SH3BGRL: variants seen among roughly 807,000 people sequenced by gnomAD.
The protein encoded by SH3BGRL is SH3 domain binding glutamate rich protein like.
Under a neutral mutation model 9.8 loss-of-function variants are expected in SH3BGRL, and 7 were observed. The ratio of observed to expected loss-of-function variants is 0.72; its 90% CI spans 0.41 to 1.35. The LOEUF (loss-of-function observed/expected upper bound fraction) is 1.35, where lower values mean the gene tolerates loss of function less well. Among genes scored for constraint, SH3BGRL ranks in the 40% most tolerant of loss-of-function variants. The pLI is 0.01. For missense variants in SH3BGRL, 73 were observed against 84.4 expected (o/e 0.86, Z 0.53); for synonymous variants, 36 against 29.1 (o/e 1.24, Z -0.76).
intron 1 of SH3BGRL, among the ~76,000 whole-genome samples, chrX:81,235,718 C>T (rs766263214): frequency 1.6e-3 from 178 of 111,232 alleles, no homozygotes; most frequent in African/African-American, 5.7e-3. Flanking sequence ...ATTAACTGTA[C>T]CCATGGCTCT....
intron 1 of SH3BGRL, among the ~76,000 whole-genome samples, chrX:81,218,642 T>C (rs1306535852): frequency 9.5e-6 from 1 of 105,802 alleles, no homozygotes; most frequent in Non-Finnish European, 1.9e-5. Flanking sequence ...TTTATACATC[T>C]ATATCTATAT....
intron 3 of SH3BGRL, among the ~76,000 whole-genome samples, chrX:81,280,825 C>A (rs768269532): frequency 9.0e-6 from 1 of 111,094 alleles, no homozygotes; most frequent in Non-Finnish European, 1.9e-5. Flanking sequence ...GAAGAAATCC[C>A]TGATTTACCT....
chrX:81,218,682 T>C (rs180785520), intron 1 of SH3BGRL, among the ~76,000 whole-genome samples: 50 of 104,790 alleles, frequency 4.8e-4, no homozygotes, highest in Admixed American at 1.8e-3. Context: ...TATATATATA[T>C]ACAGATATAT....
chrX:81,206,954 A>G (rs990532133), intron 1 of SH3BGRL, among the ~76,000 whole-genome samples: 4 of 112,411 alleles, frequency 3.6e-5, no homozygotes, highest in African/African-American at 1.3e-4. Context: ...ACATGTCTTA[A>G]CTCACTGTGA....
At chrX:81,216,466 T>C (rs2075581685) in intron 1 of SH3BGRL, among the ~76,000 whole-genome samples, 1 of 111,006 alleles carries the variant, frequency 9.0e-6, no homozygotes, top group South Asian at 3.8e-4. Flanking sequence ...TCTTTCAGTT[T>C]TTAAAATGTA....
chrX:81,239,114 A>T (rs1220859505), intron 1 of SH3BGRL, among the ~76,000 whole-genome samples: 1 of 112,225 alleles, frequency 8.9e-6, no homozygotes, highest in Non-Finnish European at 1.9e-5. Context: ...TTTAATGCCC[A>T]GATGACAAAG....
chrX:81,287,981 GAGAA>G lies in SH3BGRL; in HGVS notation c.313-9204_313-9201del, dbSNP rs1365563419. Among the ~76,000 whole-genome samples, 5 of 106,942 alleles carry G rather than the reference GAGAA, an allele frequency of 4.7e-5. No individual in the cohort carries two copies. The East Asian group carries it at 1.2e-3, about 25-fold the overall frequency. 92.9% of individuals were successfully genotyped at this position (106,942 alleles called of 115,157 possible). A position where few individuals can be genotyped will look rare whatever the true frequency, so the allele number is the denominator to read the frequency against. On this transcript the variant is annotated intron_variant, in intron 3 of 3. Transcript: ENST00000373212. Reference sequence around the variant, plus strand: ...GGAAAGAAAGAAAGAAAGAAAGAAAGAGAAAGAAAGAAACTACAGGACAATATCT... The same window carrying G: ...GGAAAGAAAGAAAGAAAGAAAGAAAGAGAAAGAAACTACAGGACAATATCT...
chrX:81,272,231 A>G (rs1218929352), intron 1 of SH3BGRL, among the ~76,000 whole-genome samples: 2 of 107,351 alleles, frequency 1.9e-5, no homozygotes, highest in Non-Finnish European at 3.8e-5. Context: ...ATAGTTTAGT[A>G]GGTCGTGGCA....
intron 1 of SH3BGRL, among the ~76,000 whole-genome samples, chrX:81,214,808 C>A (rs2075576435): frequency 8.9e-6 from 1 of 111,953 alleles, no homozygotes; most frequent in Non-Finnish European, 1.9e-5. Flanking sequence ...ATTTTTATTA[C>A]CACCATTTAT....
intron 1 of SH3BGRL, among the ~76,000 whole-genome samples, chrX:81,239,289 A>G (rs1426225007): frequency 8.9e-6 from 1 of 112,344 alleles, no homozygotes; most frequent in Non-Finnish European, 1.9e-5. Flanking sequence ...TAACACAGAG[A>G]AGGAATTCAG....
intron 1 of SH3BGRL, among the ~76,000 whole-genome samples, chrX:81,271,511 A>T (rs1382404445): frequency 2.7e-5 from 3 of 112,131 alleles, no homozygotes; most frequent in African/African-American, 9.7e-5. Flanking sequence ...AATGATAAGA[A>T]AATTCTTATT....
intron 1 of SH3BGRL, among the ~76,000 whole-genome samples, chrX:81,230,367 T>A (rs1422751211): frequency 2.7e-5 from 3 of 111,988 alleles, no homozygotes; most frequent in Non-Finnish European, 5.6e-5. Context: ...TGACTTCTGA[T>A]AAGTGCCAGG....
At chrX:81,278,282 C>T (rs373699809) in intron 2 of SH3BGRL, 49 bp from the exon 3 acceptor site, 3 of 944,846 alleles carry the variant, frequency 3.2e-6, no homozygotes, top group Admixed American at 5.3e-5. Context: ...TCCTTTTTTT[C>T]TTTTATTGGT....
chrX:81,211,476 A>T (rs748840038), intron 1 of SH3BGRL, among the ~76,000 whole-genome samples: 43 of 110,462 alleles, frequency 3.9e-4, no homozygotes, highest in African/African-American at 1.4e-3. Context: ...AGTCCCAGCT[A>T]CTCGGGAGGC....
At chrX:81,247,849 C>T (rs142238730) in intron 1 of SH3BGRL, among the ~76,000 whole-genome samples, 45 of 110,182 alleles carry the variant, frequency 4.1e-4, no homozygotes, top group African/African-American at 1.3e-3. Flanking sequence ...TGTCCTTCCT[C>T]CTTGTTTTGG....
At position 81,202,220 on chromosome X, in the gene SH3BGRL, T is replaced by C. The variant is rs1357562118; in HGVS notation, c.20T>C (p.Ile7Thr). The C allele has an allele frequency of 2.5e-6, 3 of 1,206,959 alleles. No individual in the cohort carries two copies. The highest frequency in any genetic ancestry group is 3.4e-6 in the Non-Finnish European group (3 of 893,781). The change falls in exon 1 of 4, where the codon ATT (isoleucine) becomes ACT (threonine). Residue 7 changes from isoleucine to threonine, a missense_variant. By Grantham distance (89) the Ile-to-Thr change is moderately conservative. Transcript: ENST00000373212. ...CCCAGGATGGTGATCCGTGTATATA[T>C]TGCATCTTCCTCTGGCTCTACAGCG... The part of the protein sequence containing the change: MVIRVY[I>T]ASSSGSTAIK...
At position 81,248,390 on chromosome X, in the gene SH3BGRL, A is replaced by T. The variant is rs753816536; in HGVS notation, c.46-28594A>T. On this transcript the variant is annotated intron_variant, in intron 1 of 3. Transcript: ENST00000373212. ...CCCTGCTGTGCCACGATTTCAGCGG[A>T]CCAGGCTGGGGCACCCAGCAATGGC... Among the ~76,000 whole-genome samples the T allele has an allele frequency of 1.5e-3, 168 of 112,196 alleles. No individual in the cohort carries two copies. In the Middle Eastern group the frequency reaches 0.019, roughly 12 times the overall value.
intron 1 of SH3BGRL, among the ~76,000 whole-genome samples, chrX:81,215,102 A>G (rs2075577494): frequency 9.0e-6 from 1 of 110,618 alleles, no homozygotes. Flanking sequence ...GGAAAATGGA[A>G]TTAAATCAGA....
At chrX:81,236,865 G>T (rs1057252731) in intron 1 of SH3BGRL, among the ~76,000 whole-genome samples, 1 of 107,861 alleles carries the variant, frequency 9.3e-6, no homozygotes, top group Middle Eastern at 4.3e-3. Flanking sequence ...TTGTGTGTGT[G>T]TGAGGGAAGG....
Sources: gnomAD v4.1 joint callset for allele counts (sites outside exome capture counted in the v4.1 genomes callset) on GRCh38, gnomAD v4.1.1 for gene constraint, MANE v1.5 for transcripts, NCBI Gene and HGNC (gene_info 2026-07-23, HGNC 2026-07-21) for gene names.